IL12RB1: variants seen among roughly 807,000 people sequenced by gnomAD.
IL12RB1 encodes the protein interleukin-12 receptor subunit beta-1.
Under a neutral mutation model 94.4 loss-of-function variants are expected in IL12RB1, and 64 were observed. The ratio of observed to expected loss-of-function variants is 0.68; its 90% CI spans 0.55 to 0.83. The LOEUF is 0.83. Ranked by LOEUF, IL12RB1 falls within the 40% of genes least tolerant of loss-of-function variation. The pLI, the probability that IL12RB1 is intolerant of heterozygous loss-of-function variation, is 0.00. For synonymous variants in IL12RB1, 362 were observed against 355.5 expected (o/e 1.02, Z -0.21); for missense variants, 814 against 855.6 (o/e 0.95, Z 0.61).
intron 5 of IL12RB1, 94 bp from the exon 6 acceptor site, chr19:18,076,421 G>A (rs2035484344): frequency 2.7e-6 from 2 of 733,768 alleles, no homozygotes; most frequent in Non-Finnish European, 5.0e-6. Context: ...TTATTTATCT[G>A]AGACACGGTC....
chr19:18,078,080 A>G (rs1233453822), intron 4 of IL12RB1, among the ~76,000 whole-genome samples: 1 of 151,984 alleles, frequency 6.6e-6, no homozygotes, highest in African/African-American at 2.4e-5. Flanking sequence ...CTGCTCTCCA[A>G]TCTAGGAGAG....
At chr19:18,065,065 A>G (rs1243779648) in intron 12 of IL12RB1, among the ~76,000 whole-genome samples, 1 of 152,174 alleles carries the variant, frequency 6.6e-6, no homozygotes, top group Non-Finnish European at 1.5e-5. Context: ...GGGTATAAAT[A>G]TGAGACGTAG....
At chr19:18,084,013 A>C (rs932711134) in intron 1 of IL12RB1, among the ~76,000 whole-genome samples, 3 of 140,674 alleles carry the variant, frequency 2.1e-5, no homozygotes, top group African/African-American at 8.6e-5. Flanking sequence ...CCATCTACCC[A>C]TCCATCCATC....
intron 2 of IL12RB1, chr19:18,083,128 G>T (rs549907433): frequency 2.1e-5 from 11 of 520,172 alleles, no homozygotes; most frequent in African/African-American, 5.2e-5. Context: ...TATCAGGTTG[G>T]GGGGGGGGCT....
At chr19:18,060,492 T>G (rs1568483118) in intron 15 of IL12RB1, among the ~76,000 whole-genome samples, 1 of 152,046 alleles carries the variant, frequency 6.6e-6, no homozygotes, top group Non-Finnish European at 1.5e-5. Context: ...TGAGACCGAT[T>G]TGAGGATGGA....
chr19:18,077,426 G>A (rs2035569118), intron 5 of IL12RB1, 90 bp downstream of exon 5: 3 of 1,001,278 alleles, frequency 3.0e-6, no homozygotes, highest in Admixed American at 2.0e-5. Context: ...GTTGGGAGCG[G>A]GGACAGATGC....
At chr19:18,090,985 T>C (rs1236051359), upstream of IL12RB1, among the ~76,000 whole-genome samples, 2 of 150,774 alleles carry the variant, frequency 1.3e-5, no homozygotes, top group African/African-American at 4.9e-5. Context: ...CCAGAGGAGG[T>C]GCTTTGGGGA....
At chr19:18,087,368 T>G (rs2036415240), upstream of IL12RB1, among the ~76,000 whole-genome samples, 1 of 151,578 alleles carries the variant, frequency 6.6e-6, no homozygotes, top group South Asian at 2.1e-4. Flanking sequence ...TGCCACAACA[T>G]CGAGCTAATT....
chr19:18,090,132 A>G (rs564798444), upstream of IL12RB1, among the ~76,000 whole-genome samples: 3 of 152,316 alleles, frequency 2.0e-5, 1 homozygote, highest in South Asian at 6.2e-4. Flanking sequence ...AGGCCAAGGC[A>G]GGAGGATTGC....
chr19:18,083,242 C>A, intron 2 of IL12RB1, 190 bp downstream of exon 2: 1 of 675,274 alleles, frequency 1.5e-6, no homozygotes, highest in Non-Finnish European at 2.7e-6. Context: ...TTCAGAGAGG[C>A]GGCTGGCTAC....
At chr19:18,089,075 C>A (rs412744), upstream of IL12RB1, among the ~76,000 whole-genome samples, 31,930 of 149,810 alleles carry the variant, frequency 0.21, 3,498 homozygotes, top group African/African-American at 0.25. Context: ...ACCCATCATG[C>A]TGGGTGGACG....
rs1285096626 is a variant in IL12RB1 at position 18,081,021 on chromosome 19, G to A, written c.240-20C>T. 1 of 1,606,906 alleles carries A rather than the reference G, an allele frequency of 6.2e-7. No homozygotes were observed. Among genetic ancestry groups the A allele is most frequent in the East Asian group, 2.2e-5 (1 of 44,860 alleles). The stretch of plus-strand genomic sequence containing the variant: ...CTAAGGCTGCAGCAGGAAGGAGGGT[G>A]TCAGTGCCGAGTCTGGGGTCCTAGT... On this transcript the variant is annotated intron_variant, in intron 3 of 16. Coordinates refer to ENST00000593993, the MANE Select transcript of IL12RB1 (RefSeq NM_005535.3).
At chr19:18,066,720 A>G in intron 11 of IL12RB1, 23 bp from the exon 12 acceptor site, 5 of 1,596,274 alleles carry the variant, frequency 3.1e-6, no homozygotes, top group Non-Finnish European at 4.3e-6. Flanking sequence ...CCATTGTCAT[A>G]GTCAACACCA....
intron 4 of IL12RB1, among the ~76,000 whole-genome samples, chr19:18,078,445 A>C (rs8105810): frequency 0.17 from 26,533 of 151,890 alleles, 2,625 homozygotes; most frequent in Middle Eastern, 0.23. Context: ...AAAAATAAAT[A>C]ATTTTTAATA....
rs572516338 is a variant in IL12RB1 at position 18,072,124 on chromosome 19, C to T, written c.1009G>A (p.Asp337Asn). Residue 337 changes from aspartate to asparagine, a missense_variant, in exon 9 of 17, where the codon GAC (aspartate) becomes AAC (asparagine). Physicochemically the swap from Asp to Asn is conservative, Grantham distance 23 (BLOSUM62 1). Transcript: ENST00000593993. The part of the protein sequence containing the change: ...GLNQTWHIPA[D>N]THTEPVALNI... Reference sequence around the variant, plus strand: ...CCAGAGGAGGCACCTGTGTGGGTGTCGGCAGGAATGTGCCACGTCTGGTTC... The same window carrying T: ...CCAGAGGAGGCACCTGTGTGGGTGTTGGCAGGAATGTGCCACGTCTGGTTC... 1.9e-5 allele frequency: 30 copies of T among 1,612,664 alleles called. No individual in the cohort carries two copies. The highest frequency in any genetic ancestry group is 2.7e-5 in the African/African-American group (2 of 75,030).
chr19:18,062,283 G>A lies in IL12RB1; in HGVS notation c.1619-6C>T, dbSNP rs530116677. On this transcript the variant is annotated splice_polypyrimidine_tract_variant and splice_region_variant and intron_variant, in intron 13 of 16. Coordinates refer to ENST00000593993, the MANE Select transcript of IL12RB1 (RefSeq NM_005535.3). ...CCAATCAGAAACCTGCACTTCTGAG[G>A]TGGGAGAGCGTGGGTTGGCAGAGGG... The A allele has an allele frequency of 6.1e-5, 97 of 1,582,006 alleles. No homozygotes were observed. The highest frequency in any genetic ancestry group is 1.5e-4 in the Admixed American group (9 of 59,322).
chr19:18,063,078 A>T (rs1336049197), intron 13 of IL12RB1, among the ~76,000 whole-genome samples: 1,941 of 50,964 alleles, frequency 0.038, 1 homozygote, highest in African/African-American at 0.061. Context: ...TTCTTCTTCT[A>T]TTTTTTTTTT....
chr19:18,068,291 G>A (rs1019723661), intron 11 of IL12RB1, 98 bp downstream of exon 11: 1 of 999,926 alleles, frequency 1.0e-6, no homozygotes, highest in African/African-American at 1.6e-5. Flanking sequence ...CTCCCAAAGT[G>A]CTGGGATTAC....
chr19:18,080,702 C>T (rs774462453), intron 4 of IL12RB1, 130 bp downstream of exon 4: 22 of 764,302 alleles, frequency 2.9e-5, no homozygotes, highest in Non-Finnish European at 4.3e-5. Flanking sequence ...TTGCGTGACA[C>T]TACGTGAAGT....
Sources: allele counts gnomAD v4.1 joint callset (sites outside exome capture counted in the v4.1 genomes callset), GRCh38; gene constraint gnomAD v4.1.1; transcripts MANE v1.5; gene names NCBI Gene and HGNC (gene_info 2026-07-23, HGNC 2026-07-21).